ZNF536: variants seen among roughly 807,000 people sequenced by gnomAD.
ZNF536 encodes the protein zinc finger protein 536.
Under a neutral mutation model 84.5 loss-of-function variants are expected in ZNF536, and 13 were observed. That is an observed-to-expected ratio of 0.15 (90% CI 0.10 to 0.24). The LOEUF is 0.24. Among genes scored for constraint, ZNF536 ranks in the 10% least tolerant of loss-of-function variants. ZNF536 has a pLI of 1.00. For synonymous variants in ZNF536, 811 were observed against 742.5 expected (o/e 1.09, Z -1.50); for missense variants, 1,536 against 1,747.5 (o/e 0.88, Z 2.16).
intron 1 of ZNF536, among the ~76,000 whole-genome samples, chr19:30,582,933 A>G (rs1168960036): frequency 6.6e-6 from 1 of 152,184 alleles, no homozygotes; most frequent in Non-Finnish European, 1.5e-5. Context: ...GGATGGGGAC[A>G]CAGCCAAACC....
intron 2 of ZNF536, among the ~76,000 whole-genome samples, chr19:30,332,936 G>T (rs1053521973): frequency 3.3e-5 from 5 of 152,068 alleles, no homozygotes. Context: ...ACAAAAATTA[G>T]TCAGGCATGG....
chr19:30,276,592 G>A (rs931407843), intron 1 of ZNF536, among the ~76,000 whole-genome samples: 7 of 151,926 alleles, frequency 4.6e-5, no homozygotes, highest in African/African-American at 9.7e-5. Flanking sequence ...GTAAACCATC[G>A]CCATAATAGT....
intron 1 of ZNF536, among the ~76,000 whole-genome samples, chr19:30,390,596 T>C (rs1162822380): frequency 1.3e-5 from 2 of 152,224 alleles, no homozygotes; most frequent in Non-Finnish European, 2.9e-5. Flanking sequence ...GCCGGAGAGC[T>C]GGAAATCCAG....
intron 1 of ZNF536, among the ~76,000 whole-genome samples, chr19:30,615,627 A>G (rs1285232216): frequency 6.6e-6 from 1 of 151,896 alleles, no homozygotes; most frequent in African/African-American, 2.4e-5. Context: ...TCTTATTTTA[A>G]AATTATATTC....
intron 1 of ZNF536, among the ~76,000 whole-genome samples, chr19:30,674,044 G>T (rs2050663918): frequency 6.6e-6 from 1 of 152,162 alleles, no homozygotes; most frequent in Non-Finnish European, 1.5e-5. Flanking sequence ...TGAGTATATT[G>T]CATTCATCAC....
chr19:30,670,292 A>G (rs1349303432), intron 1 of ZNF536, among the ~76,000 whole-genome samples: 4 of 152,176 alleles, frequency 2.6e-5, no homozygotes, highest in African/African-American at 9.6e-5. Flanking sequence ...CACTGGGATC[A>G]GCATGCCTGA....
intron 2 of ZNF536, among the ~76,000 whole-genome samples, chr19:30,287,877 C>A (rs553176833): frequency 2.6e-5 from 4 of 152,184 alleles, no homozygotes; most frequent in Non-Finnish European, 5.9e-5. Flanking sequence ...CAAGCCCTAA[C>A]ATGTACCTTA....
upstream of ZNF536, among the ~76,000 whole-genome samples, chr19:30,370,795 A>G (rs2048587368): frequency 6.6e-6 from 1 of 152,230 alleles, no homozygotes; most frequent in South Asian, 2.1e-4. Context: ...CCCTCCAATT[A>G]TTAAATGATA....
At chr19:30,574,273 C>T (rs1053864953) in intron 1 of ZNF536, among the ~76,000 whole-genome samples, 2 of 152,178 alleles carry the variant, frequency 1.3e-5, no homozygotes, top group African/African-American at 4.8e-5. Context: ...GGTGAATTTG[C>T]AATGGGATCA....
chr19:30,296,635 C>A (rs1469632622), intron 2 of ZNF536, among the ~76,000 whole-genome samples: 1 of 152,188 alleles, frequency 6.6e-6, no homozygotes, highest in Admixed American at 6.5e-5. Context: ...CAGCTCTCAG[C>A]TTGCTCTCTA....
chr19:30,658,864 G>A (rs1015669150), intron 1 of ZNF536, among the ~76,000 whole-genome samples: 3 of 152,160 alleles, frequency 2.0e-5, no homozygotes, highest in African/African-American at 4.8e-5. Context: ...TCTTGAATGC[G>A]TACATAAGAA....
chr19:30,622,388 T>C (rs893679339), intron 1 of ZNF536, among the ~76,000 whole-genome samples: 15 of 152,260 alleles, frequency 9.9e-5, no homozygotes, highest in Non-Finnish European at 1.2e-4. Flanking sequence ...GACAGCCTAA[T>C]GCACCAAGTG....
intron 1 of ZNF536, among the ~76,000 whole-genome samples, chr19:30,259,917 ATT>A (rs34342169): frequency 0.41 from 55,233 of 133,570 alleles, 11,179 homozygotes; most frequent in East Asian, 0.73. Flanking sequence ...TGCCCAGCTA[ATT>A]TTTTTTTTTT....
chr19:30,640,000 T>G (rs911899466), intron 1 of ZNF536, among the ~76,000 whole-genome samples: 2 of 152,244 alleles, frequency 1.3e-5, no homozygotes, highest in African/African-American at 4.8e-5. Context: ...ATTCCAGCAC[T>G]TTGGGAGGCC....
At chr19:30,366,229 G>T (rs1015513395) in intron 3 of ZNF536, among the ~76,000 whole-genome samples, 1 of 152,114 alleles carries the variant, frequency 6.6e-6, no homozygotes, top group East Asian at 1.9e-4. Context: ...AATGCTTTCT[G>T]GCTCTGTCAC....
intron 1 of ZNF536, among the ~76,000 whole-genome samples, chr19:30,700,180 TTTTCTTTCCTTC>T (rs1212908402): frequency 0.011 from 1,339 of 126,552 alleles, 20 homozygotes; most frequent in African/African-American, 0.031. Flanking sequence ...TCCTTCTTTC[TTTTCTTTCCTTC>T]TTTCTTTCCT....
At chr19:30,366,915 T>G (rs768211486) in intron 3 of ZNF536, among the ~76,000 whole-genome samples, 1 of 152,100 alleles carries the variant, frequency 6.6e-6, no homozygotes, top group Non-Finnish European at 1.5e-5. Flanking sequence ...TGAGACTGTG[T>G]GATAAGGGAA....
At chr19:30,670,127 G>A (rs1019712488) in intron 1 of ZNF536, among the ~76,000 whole-genome samples, 1 of 152,228 alleles carries the variant, frequency 6.6e-6, no homozygotes, top group Non-Finnish European at 1.5e-5. Flanking sequence ...GGTGCCAGAA[G>A]CTGGCGGAAG....
intron 1 of ZNF536, among the ~76,000 whole-genome samples, chr19:30,409,576 G>A (rs562182834): frequency 6.6e-6 from 1 of 152,298 alleles, no homozygotes; most frequent in South Asian, 2.1e-4. Flanking sequence ...ATTTCCTTAG[G>A]TTTAATTGCT....
Sources: allele counts gnomAD v4.1 joint callset (sites outside exome capture counted in the v4.1 genomes callset), GRCh38; gene constraint gnomAD v4.1.1; transcripts MANE v1.5; gene names NCBI Gene and HGNC (gene_info 2026-07-23, HGNC 2026-07-21).